PLA2G4A: variants seen among roughly 807,000 people sequenced by gnomAD.
PLA2G4A encodes the protein phospholipase A2 group IVA, also known as cytosolic phospholipase A2.
PLA2G4A carries 40 observed loss-of-function variants against 81.9 expected under a neutral mutation model. The observed-to-expected ratio is 0.49, with a 90% CI of 0.38 to 0.64. The LOEUF is 0.64. PLA2G4A is among the 30% of genes least tolerant of loss of function. The probability of loss-of-function intolerance (pLI) is 0.00; values close to 1 mark genes in which losing one functional copy is unlikely to be tolerated. For synonymous variants in PLA2G4A, 302 were observed against 296.9 expected, an observed-to-expected ratio of 1.02 and a Z score of -0.18; for missense variants, 715 against 905.1, an observed-to-expected ratio of 0.79 and a Z score of 2.69.
intron 7 of PLA2G4A, among the ~76,000 whole-genome samples, chr1:186,927,322 T>C (rs1655582213): frequency 1.3e-5 from 2 of 152,210 alleles, no homozygotes; most frequent in Non-Finnish European, 2.9e-5. Flanking sequence ...GATCTTTTCT[T>C]TGAGCAAGAT....
chr1:186,910,789 A>G (rs1018882701), intron 6 of PLA2G4A, among the ~76,000 whole-genome samples: 18 of 152,164 alleles, frequency 1.2e-4, no homozygotes, highest in Non-Finnish European at 2.5e-4. Flanking sequence ...ATTAATTAAG[A>G]CAATATTTCT....
intron 5 of PLA2G4A, among the ~76,000 whole-genome samples, chr1:186,895,403 T>C (rs978306428): frequency 6.6e-6 from 1 of 152,230 alleles, no homozygotes; most frequent in African/African-American, 2.4e-5. Flanking sequence ...TTCTGTCTCA[T>C]GCCAAGAGAT....
chr1:186,846,681 A>G (rs538609457), intron 1 of PLA2G4A, among the ~76,000 whole-genome samples: 1 of 152,260 alleles, frequency 6.6e-6, no homozygotes, highest in South Asian at 2.1e-4. Context: ...AGAATGTTAC[A>G]TCGCTCACAT....
At chr1:186,947,177 A>T (rs1025124252) in intron 12 of PLA2G4A, among the ~76,000 whole-genome samples, 3 of 152,094 alleles carry the variant, frequency 2.0e-5, no homozygotes, top group South Asian at 2.1e-4. Context: ...AAAATCATTG[A>T]TTTCTAAGAG....
At chr1:186,918,488 C>T (rs997556787) in intron 7 of PLA2G4A, among the ~76,000 whole-genome samples, 21 of 152,168 alleles carry the variant, frequency 1.4e-4, no homozygotes, top group Admixed American at 1.4e-3. Context: ...ATGAGCTCAG[C>T]CTTCTGGGCT....
chr1:186,971,926 A>G (rs1303392268), intron 15 of PLA2G4A, among the ~76,000 whole-genome samples: 1 of 152,106 alleles, frequency 6.6e-6, no homozygotes, highest in Non-Finnish European at 1.5e-5. Flanking sequence ...AGACTGAAAT[A>G]TGGATACTGC....
At chr1:186,922,676 G>A (rs1027769870) in intron 7 of PLA2G4A, among the ~76,000 whole-genome samples, 2 of 152,306 alleles carry the variant, frequency 1.3e-5, no homozygotes, top group African/African-American at 4.8e-5. Context: ...ACCAAGAAAT[G>A]TAGCAGGACA....
intron 8 of PLA2G4A, among the ~76,000 whole-genome samples, chr1:186,937,660 T>A (rs899862378): frequency 6.6e-6 from 1 of 151,556 alleles, no homozygotes; most frequent in African/African-American, 2.4e-5. Context: ...TCAAACCCAA[T>A]AAGGAATTAT....
At position 186,882,521 on chromosome 1, in the gene PLA2G4A, G is replaced by T. The variant is rs16826040; in HGVS notation, c.116-10490G>T. 7.1e-3 allele frequency among the ~76,000 whole-genome samples: 1,085 copies of T among 152,216 alleles called. 37 individuals are homozygous for T. Among genetic ancestry groups the T allele is most frequent in the Admixed American group, 0.066 (1,001 of 15,250 alleles). On this transcript the variant is annotated intron_variant, in intron 3 of 17. Transcript: ENST00000367466. ...CTGTGTGGAATGTTTGAAATGTGTA[G>T]ATTCCAAAGATGCCTCTTTGCCGTA...
At chr1:186,954,617 T>G (rs1465936557) in intron 13 of PLA2G4A, among the ~76,000 whole-genome samples, 1 of 151,370 alleles carries the variant, frequency 6.6e-6, no homozygotes, top group Non-Finnish European at 1.5e-5. Flanking sequence ...TGGTTTTATG[T>G]ATGTTTAGTT....
At chr1:186,916,184 G>A (rs962991825) in intron 7 of PLA2G4A, among the ~76,000 whole-genome samples, 5 of 145,594 alleles carry the variant, frequency 3.4e-5, no homozygotes, top group African/African-American at 1.0e-4. Flanking sequence ...TCTCCTCCTC[G>A]AACCAAGATA....
At chr1:186,940,771 T>G (rs12720605) in intron 10 of PLA2G4A, among the ~76,000 whole-genome samples, 1,773 of 152,296 alleles carry the variant, frequency 0.012, 41 homozygotes, top group African/African-American at 0.04. Context: ...TAAAAAATAT[T>G]TTTGATCTGC....
intron 7 of PLA2G4A, among the ~76,000 whole-genome samples, chr1:186,923,897 G>C (rs1053622220): frequency 1.3e-5 from 2 of 152,150 alleles, no homozygotes; most frequent in East Asian, 1.9e-4. Context: ...ATGACAGATA[G>C]ACTTGTCTCC....
chr1:186,832,170 T>C (rs983048998), intron 1 of PLA2G4A, among the ~76,000 whole-genome samples: 3 of 152,070 alleles, frequency 2.0e-5, no homozygotes, highest in Non-Finnish European at 2.9e-5. Context: ...TAAATAATTG[T>C]TGGATATTTA....
chr1:186,886,439 C>T (rs1053020584), intron 3 of PLA2G4A, among the ~76,000 whole-genome samples: 2 of 152,020 alleles, frequency 1.3e-5, no homozygotes, highest in Non-Finnish European at 2.9e-5. Context: ...ACATGGGTAG[C>T]GAAAAGGTTG....
At chr1:186,870,668 G>A in intron 3 of PLA2G4A, 152 bp downstream of exon 3, 1 of 1,381,360 alleles carries the variant, frequency 7.2e-7, no homozygotes, top group Non-Finnish European at 1.0e-6. Context: ...ACAGTTCTCT[G>A]ATGCTATCTG....
At position 186,938,990 on chromosome 1, in the gene PLA2G4A, G is replaced by A. The variant is rs1656049889; in HGVS notation, c.696-18G>A. On this transcript the variant is annotated intron_variant, in intron 8 of 17. Transcript: ENST00000367466. ...AATGCTCTTTATCTTTACTGATTGTGTTTTGTTTTCTGTATAGGTATATGT... is the reference window on the plus strand; with the variant it reads ...AATGCTCTTTATCTTTACTGATTGTATTTTGTTTTCTGTATAGGTATATGT... 1 of 1,267,172 alleles carries A rather than the reference G, an allele frequency of 7.9e-7. No individual in the cohort carries two copies. Among genetic ancestry groups the A allele is most frequent in the South Asian group, 1.2e-5 (1 of 84,056 alleles). 78.5% of individuals were successfully genotyped at this position (1,267,172 alleles called of 1,614,324 possible). A position where few individuals can be genotyped will look rare whatever the true frequency, so the allele number is the denominator to read the frequency against.
intron 10 of PLA2G4A, among the ~76,000 whole-genome samples, chr1:186,942,369 A>G (rs1261854906): frequency 2.0e-5 from 3 of 152,138 alleles, no homozygotes; most frequent in Non-Finnish European, 2.9e-5. Flanking sequence ...AAAGAATTAC[A>G]TGGTCAAAAG....
chr1:186,872,271 TGAAA>T lies in PLA2G4A; in HGVS notation c.115+1761_115+1764del, dbSNP rs12720517. 3.7e-3 allele frequency among the ~76,000 whole-genome samples: 564 copies of T among 152,238 alleles called. 13 individuals are homozygous for T. Among genetic ancestry groups the T allele is most frequent in the Admixed American group, 0.03 (456 of 15,260 alleles). On this transcript the variant is annotated intron_variant, in intron 3 of 17. Coordinates refer to ENST00000367466, the MANE Select transcript of PLA2G4A (RefSeq NM_024420.3). ...TTCACCATTTTAAATGAGAATTTAC[TGAAA>T]GAAAGGCCCCTGCGAAAGAGAAGCC...
Sources: allele counts gnomAD v4.1 joint callset (sites outside exome capture counted in the v4.1 genomes callset), GRCh38; gene constraint gnomAD v4.1.1; transcripts MANE v1.5; gene names NCBI Gene and HGNC (gene_info 2026-07-23, HGNC 2026-07-21).